The following KLRD1 variants were observed in gnomAD, a reference collection of about 807,000 sequenced individuals.
KLRD1 encodes natural killer cells antigen CD94.
A neutral mutation model predicts 22.6 loss-of-function variants in KLRD1; 21 were observed. The observed-to-expected ratio is 0.93, with a 90% CI of 0.66 to 1.34. The LOEUF is 1.34. Ranked by LOEUF, KLRD1 falls within the 40% of genes most tolerant of loss-of-function variation. KLRD1 has a pLI of 0.00. For missense variants in KLRD1, 183 were observed against 208.6 expected, an observed-to-expected ratio of 0.88 and a Z score of 0.76; for synonymous variants, 59 against 71.1, an observed-to-expected ratio of 0.83 and a Z score of 0.85.
intron 1 of KLRD1, among the ~76,000 whole-genome samples, chr12:10,265,843 T>C (rs1311396007): frequency 6.6e-6 from 1 of 152,252 alleles, no homozygotes; most frequent in African/African-American, 2.4e-5. Flanking sequence ...CTGTACAGCT[T>C]CTTCATTTAT....
At chr12:10,309,286 A>G (rs1949997145) in intron 1 of KLRD1, 102 bp from the exon 2 acceptor site, 2 of 683,798 alleles carry the variant, frequency 2.9e-6, no homozygotes, top group South Asian at 3.6e-5. Flanking sequence ...CCGTTATCAA[A>G]TGAAAGAATG....
At chr12:10,312,995 G>A (rs7964452) in intron 4 of KLRD1, among the ~76,000 whole-genome samples, 95,054 of 150,056 alleles carry the variant, frequency 0.63, 30,103 homozygotes, top group African/African-American at 0.67. Flanking sequence ...TCAACAAAAA[G>A]AAAAAAGAAA....
At chr12:10,262,692 G>T (rs1949464743) in intron 1 of KLRD1, among the ~76,000 whole-genome samples, 2 of 151,872 alleles carry the variant, frequency 1.3e-5, no homozygotes, top group Non-Finnish European at 2.9e-5. Flanking sequence ...ATCTCTTTAA[G>T]ACAATGAACT....
chr12:10,305,826 C>G (rs1240485763), upstream of KLRD1, among the ~76,000 whole-genome samples: 3 of 152,066 alleles, frequency 2.0e-5, no homozygotes, highest in Admixed American at 1.3e-4. Flanking sequence ...GGGAGAGATA[C>G]AGTACATGGA....
rs3983613 is a variant in KLRD1 at position 10,323,864 on chromosome 12, C to CTTTTTTTTTTTTTTTTTTTTTTTTTTAT, written c.*9086_*9087insTTTTTTTTTTTATTTTTTTTTTTTTTTT. The stretch of plus-strand genomic sequence containing the variant: ...TTCCCTTTTATTTCTTATTTCTTTC[C>CTTTTTTTTTTTTTTTTTTTTTTTTTTAT]TTTTTTTTTTTTTTTGAGACTGAGT... On this transcript the variant is annotated 3_prime_UTR_variant, in exon 6 of 6. Coordinates refer to ENST00000336164, the MANE Select transcript of KLRD1 (RefSeq NM_002262.5). 1 of 106,342 alleles carries CTTTTTTTTTTTTTTTTTTTTTTTTTTAT rather than the reference C, an allele frequency of 9.4e-6. No individual in the cohort carries two copies. The highest frequency in any genetic ancestry group is 1.8e-5 in the Non-Finnish European group (1 of 54,630). The allele number at this position is 106,342 out of a possible 1,614,324, so 6.6% of individuals were successfully genotyped here.
intron 1 of KLRD1, among the ~76,000 whole-genome samples, chr12:10,258,511 G>A (rs1949420250): frequency 6.6e-6 from 1 of 152,292 alleles, no homozygotes; most frequent in Non-Finnish European, 1.5e-5. Context: ...CCAGTGATAA[G>A]TTGTTCATAG....
In KLRD1 at chr12:10,324,818, G is replaced by GTGTGTGTGTGTGTATA. The variant is rs750696767; in HGVS notation, c.*10026_*10027insGTGTGTGTGTGTATAT. On this transcript the variant is annotated 3_prime_UTR_variant, in exon 6 of 6. Transcript: ENST00000336164. ...AGTATATATGTATATGTGTGTGTGT[G>GTGTGTGTGTGTGTATA]TATATATATATATATATATATATAT... 6.7e-5 allele frequency: 5 copies of GTGTGTGTGTGTGTATA among 74,144 alleles called. No homozygotes were observed. Among genetic ancestry groups the GTGTGTGTGTGTGTATA allele is most frequent in the African/African-American group, 8.5e-5 (2 of 23,544 alleles). The allele number at this position is 74,144 out of a possible 1,614,324, so 4.6% of individuals were successfully genotyped here. A position where few individuals can be genotyped will look rare whatever the true frequency, so the allele number is the denominator to read the frequency against.
chr12:10,247,831 A>G (rs1173040305), intron 1 of KLRD1, among the ~76,000 whole-genome samples: 1 of 151,854 alleles, frequency 6.6e-6, no homozygotes, highest in African/African-American at 2.4e-5. Flanking sequence ...CCCAGTGAAG[A>G]GGGACGTATT....
intron 1 of KLRD1, among the ~76,000 whole-genome samples, chr12:10,258,327 T>A (rs1473274347): frequency 6.6e-6 from 1 of 152,178 alleles, no homozygotes; most frequent in Non-Finnish European, 1.5e-5. Context: ...ATGAGTCATT[T>A]GTGGTGTTTT....
intron 1 of KLRD1, among the ~76,000 whole-genome samples, chr12:10,244,086 A>G (rs1375590960): frequency 1.3e-5 from 2 of 152,056 alleles, no homozygotes; most frequent in East Asian, 1.9e-4. Context: ...AATAGTGGCA[A>G]ATAGGTCACT....
chr12:10,259,669 C>G lies in KLRD1; in HGVS notation c.-101+33436C>G, dbSNP rs573435164. Among the ~76,000 whole-genome samples the G allele has an allele frequency of 2.0e-5, 3 of 152,174 alleles. No homozygotes were observed. The East Asian group carries it at 5.8e-4, about 29-fold the overall frequency. On this transcript the variant is annotated intron_variant, in intron 1 of 5. Coordinates refer to the KLRD1 transcript ENST00000544747. Reference sequence around the variant, plus strand: ...CTCATCTGAGATCATTTTCTTAAACCCAAAGAATATTGTGGGCTGGGCATG... The same window carrying G: ...CTCATCTGAGATCATTTTCTTAAACGCAAAGAATATTGTGGGCTGGGCATG...
chr12:10,286,567 G>A (rs1424437522), intron 1 of KLRD1, among the ~76,000 whole-genome samples: 2 of 147,900 alleles, frequency 1.4e-5, no homozygotes, highest in Non-Finnish European at 3.0e-5. Context: ...GCAGATTGAA[G>A]AAGCAGAAAG....
At chr12:10,303,831 G>C (rs1386958398), upstream of KLRD1, among the ~76,000 whole-genome samples, 1 of 152,126 alleles carries the variant, frequency 6.6e-6, no homozygotes, top group Non-Finnish European at 1.5e-5. Context: ...ATTGGTATGA[G>C]GGTGGCAAAG....
intron 1 of KLRD1, among the ~76,000 whole-genome samples, chr12:10,274,481 C>A (rs1465734071): frequency 2.0e-5 from 3 of 151,992 alleles, no homozygotes; most frequent in Non-Finnish European, 2.9e-5. Flanking sequence ...TAATAATAAT[C>A]AAAGTTTCAA....
chr12:10,292,561 C>T (rs149850935), intron 1 of KLRD1, among the ~76,000 whole-genome samples: 42 of 152,270 alleles, frequency 2.8e-4, no homozygotes, highest in African/African-American at 9.4e-4. Flanking sequence ...TTTCTGAGCA[C>T]TATGTCTCAA....
At chr12:10,292,398 A>G (rs898546994) in intron 1 of KLRD1, among the ~76,000 whole-genome samples, 1 of 152,188 alleles carries the variant, frequency 6.6e-6, no homozygotes, top group African/African-American at 2.4e-5. Context: ...TATGACTTAA[A>G]AGTTGAAATG....
intron 1 of KLRD1, among the ~76,000 whole-genome samples, chr12:10,259,741 G>A (rs970053915): frequency 1.3e-5 from 2 of 152,156 alleles, no homozygotes; most frequent in African/African-American, 4.8e-5. Context: ...TGAGGCAGAC[G>A]GATCACGTGA....
chr12:10,288,472 TAGA>T, intron 1 of KLRD1, among the ~76,000 whole-genome samples: 1 of 152,332 alleles, frequency 6.6e-6, no homozygotes. Flanking sequence ...AATGACTCTC[TAGA>T]TTTTAATCCG....
intron 4 of KLRD1, among the ~76,000 whole-genome samples, chr12:10,312,237 A>G (rs1387829239): frequency 2.0e-5 from 3 of 151,418 alleles, no homozygotes; most frequent in Non-Finnish European, 2.9e-5. Flanking sequence ...TTTTTAGTAG[A>G]GACAGGGTTT....
Sources: gnomAD v4.1 joint callset for allele counts (sites outside exome capture counted in the v4.1 genomes callset) on GRCh38, gnomAD v4.1.1 for gene constraint, MANE v1.5 for transcripts, NCBI Gene and HGNC (gene_info 2026-07-23, HGNC 2026-07-21) for gene names.